NDRG4: variants seen among roughly 807,000 people sequenced by gnomAD.
The protein encoded by NDRG4 is protein NDRG4.
A neutral mutation model predicts 55.8 loss-of-function variants in NDRG4; 38 were observed. The observed-to-expected ratio is 0.68, with a 90% CI of 0.53 to 0.89. The LOEUF (loss-of-function observed/expected upper bound fraction) is 0.89. NDRG4 is among the 40% of genes least tolerant of loss of function. The probability of loss-of-function intolerance (pLI) is 0.00; values close to 1 mark genes in which losing one functional copy is unlikely to be tolerated. For synonymous variants in NDRG4, 190 were observed against 182.7 expected, an observed-to-expected ratio of 1.04 and a Z score of -0.32; for missense variants, 455 against 468.6, an observed-to-expected ratio of 0.97 and a Z score of 0.27.
At chr16:58,470,111 TTTC>T (rs1292309936) in intron 1 of NDRG4, among the ~76,000 whole-genome samples, 12 of 152,270 alleles carry the variant, frequency 7.9e-5, no homozygotes, top group African/African-American at 2.4e-4. Context: ...TGGTTTTTAC[TTTC>T]TTCTTTTTGG....
chr16:58,504,561 C>G (rs1450714560), intron 4 of NDRG4, 28 bp from the exon 5 acceptor site: 1 of 1,614,026 alleles, frequency 6.2e-7, no homozygotes, highest in African/African-American at 1.3e-5. Context: ...ACCCCTAGCC[C>G]TAGAGTGACC....
intron 1 of NDRG4, among the ~76,000 whole-genome samples, chr16:58,483,087 C>G (rs1467835506): frequency 6.6e-6 from 1 of 152,064 alleles, no homozygotes; most frequent in Non-Finnish European, 1.5e-5. Context: ...TGCCCAGCCC[C>G]CCAGTGTATT....
At chr16:58,469,078 T>C (rs1341062515) in intron 1 of NDRG4, among the ~76,000 whole-genome samples, 2 of 152,188 alleles carry the variant, frequency 1.3e-5, no homozygotes, top group Non-Finnish European at 2.9e-5. Context: ...TTTTACCAGT[T>C]GTTTAGAATT....
At chr16:58,494,402 C>T (rs986464763) in intron 2 of NDRG4, among the ~76,000 whole-genome samples, 3 of 152,204 alleles carry the variant, frequency 2.0e-5, no homozygotes, top group Non-Finnish European at 4.4e-5. Context: ...CTCCCCCCTT[C>T]CCTCCCTTCC....
At chr16:58,498,216 C>T (rs536710909), upstream of NDRG4, among the ~76,000 whole-genome samples, 20 of 152,100 alleles carry the variant, frequency 1.3e-4, no homozygotes, top group Non-Finnish European at 2.2e-4. Context: ...GGCTGTGCCT[C>T]AGTTTTCCAA....
chr16:58,506,500 G>A (rs766216576), intron 6 of NDRG4, 27 bp downstream of exon 6: 6 of 1,606,096 alleles, frequency 3.7e-6, no homozygotes, highest in South Asian at 3.3e-5. Context: ...GGGGTGGGGT[G>A]GGTATACCTA....
intron 1 of NDRG4, among the ~76,000 whole-genome samples, chr16:58,484,134 C>G (rs753199838): frequency 1.2e-4 from 18 of 152,046 alleles, no homozygotes; most frequent in Non-Finnish European, 2.1e-4. Flanking sequence ...CTTTGGGAGG[C>G]TAAGGCAGGT....
At position 58,507,025 on chromosome 16, in the gene NDRG4, G is replaced by C. The variant is rs548756833; in HGVS notation, c.620+10G>C. The C allele has an allele frequency of 4.0e-5, 64 of 1,608,758 alleles. No individual in the cohort carries two copies. The South Asian group carries it at 5.3e-4, about 13-fold the overall frequency. On this transcript the variant is annotated intron_variant, in intron 8 of 14. Transcript: ENST00000570248. Reference sequence around the variant, plus strand: ...GGAACATGTACAACAGGTGCGGGTGGGATCAGCAGCCCTGGGACCCAGCAC... The same window carrying C: ...GGAACATGTACAACAGGTGCGGGTGCGATCAGCAGCCCTGGGACCCAGCAC...
At chr16:58,487,782 G>A in exon 2 of NDRG4, 2 of 1,543,450 alleles carry the variant, frequency 1.3e-6, no homozygotes, top group Non-Finnish European at 1.7e-6. Flanking sequence ...CGTGACCATG[G>A]CCGGGCTGCA....
At chr16:58,502,976 TCC>T (rs2151791271) in intron 1 of NDRG4, among the ~76,000 whole-genome samples, 1 of 152,332 alleles carries the variant, frequency 6.6e-6, no homozygotes, top group South Asian at 2.1e-4. Flanking sequence ...TGCTAAATGC[TCC>T]ACAAACATTG....
chr16:58,509,939 GACACACAC>G (rs3048060), intron 13 of NDRG4, among the ~76,000 whole-genome samples: 16 of 149,778 alleles, frequency 1.1e-4, no homozygotes, highest in East Asian at 3.9e-4. Context: ...CACACACACA[GACACACAC>G]ACACACACAC....
chr16:58,490,267 G>T (rs548684771), intron 2 of NDRG4, among the ~76,000 whole-genome samples: 2 of 152,216 alleles, frequency 1.3e-5, no homozygotes, highest in African/African-American at 2.4e-5. Context: ...CGGGACAGCC[G>T]CACGGAGGTG....
rs769442280 is a variant in NDRG4 at position 58,511,542 on chromosome 16, G to A, written c.1025G>A (p.Gly342Asp). 5 of 1,612,946 alleles carry A rather than the reference G, an allele frequency of 3.1e-6. No individual in the cohort carries two copies. The highest frequency in any genetic ancestry group is 1.7e-5 in the Admixed American group (1 of 59,998). ...CACTCAGAGAGCAGCGAGGGGCTGG[G>A]CCAGGTCAACCACACCATGGAGGTG... is the stretch of plus-strand genomic sequence containing the variant. The part of the protein sequence containing the change: ...CTHSESSEGL[G>D]QVNHTMEVSC Residue 342 changes from glycine to aspartate, a missense_variant, in exon 15 of 15, where the codon GGC becomes GAC. Transcript: ENST00000570248.
intron 1 of NDRG4, among the ~76,000 whole-genome samples, chr16:58,487,230 C>CTT (rs2035199309): frequency 6.6e-6 from 1 of 152,120 alleles, no homozygotes; most frequent in African/African-American, 2.4e-5. Flanking sequence ...TTTTTAAGAG[C>CTT]AAATAATAGG....
chr16:58,469,828 G>T (rs74019883), intron 1 of NDRG4, among the ~76,000 whole-genome samples: 3,716 of 152,304 alleles, frequency 0.024, 138 homozygotes, highest in African/African-American at 0.082. Context: ...GCCCTAGGAG[G>T]TATGTGCTAT....
intron 1 of NDRG4, among the ~76,000 whole-genome samples, chr16:58,487,084 G>T (rs989335337): frequency 6.6e-6 from 1 of 152,252 alleles, no homozygotes; most frequent in Middle Eastern, 3.4e-3. Context: ...CTCGGCAGGG[G>T]ACTTCTGTCT....
At position 58,464,918 on chromosome 16, in the gene NDRG4, A is replaced by T; in HGVS notation, c.-24+1121A>T. The T allele has an allele frequency of 3.4e-6, 4 of 1,169,950 alleles. No individual in the cohort carries two copies. The highest frequency in any genetic ancestry group is 1.6e-5 in the African/African-American group (1 of 61,766). The allele number at this position is 1,169,950 out of a possible 1,614,324, so 72.5% of individuals were successfully genotyped here. ...TCTTGCTGGGAGTGGAGGCGACGCC[A>T]AGTGGCCTGGGAAGTGGGAAGCCAG... On this transcript the variant is annotated intron_variant, in intron 1 of 15. Transcript: ENST00000258187. This position sits in a 1 kb window ranked among gnomAD's most constrained non-coding sequence, Gnocchi z 4.8.
chr16:58,499,905 G>A (rs537273776), upstream of NDRG4: 318 of 447,342 alleles, frequency 7.1e-4, 4 homozygotes, highest in South Asian at 6.3e-3. Flanking sequence ...TGCTGGGGGC[G>A]GATGCAGGGG....
intron 1 of NDRG4, chr16:58,475,511 A>G (rs1328815741): frequency 4.7e-6 from 2 of 421,142 alleles, no homozygotes; most frequent in Non-Finnish European, 9.5e-6. Flanking sequence ...TGGGTCTCCA[A>G]GAAAAATATC....
Sources: gnomAD v4.1 joint callset for allele counts (sites outside exome capture counted in the v4.1 genomes callset) on GRCh38, gnomAD v4.1.1 for gene constraint, Gnocchi (gnomAD v3.1) non-coding constraint, MANE v1.5 for transcripts, NCBI Gene and HGNC (gene_info 2026-07-23, HGNC 2026-07-21) for gene names.